Variants in CIT observed in about 807,000 individuals in gnomAD.
The protein encoded by CIT is citron Rho-interacting kinase.
In CIT, 79 loss-of-function variants were observed where a neutral mutation model predicts 272.7. That is an observed-to-expected ratio of 0.29 (90% CI 0.24 to 0.35). CIT has a LOEUF of 0.35. Ranked by LOEUF, CIT falls within the 10% of genes least tolerant of loss-of-function variation. The pLI, the probability that CIT is intolerant of heterozygous loss-of-function variation, is 1.00. For synonymous variants in CIT, 948 were observed against 995.6 expected (o/e 0.95, Z 0.90); for missense variants, 1,909 against 2,618.3 (o/e 0.73, Z 5.91).
In CIT at chr12:119,690,122, GAC is replaced by G; in HGVS notation, c.6186+27_6186+28del. On this transcript the variant is annotated intron_variant, in intron 47 of 47. Transcript: ENST00000392521. The surrounding 1 kb of genome is among the most constrained non-coding windows in gnomAD (Gnocchi z 6.0). ...CAAGTCACTCCTGGCCTCCGCAACA[GAC>G]ACACAGGCCTCGGAATGCTGCCTCA... is the stretch of plus-strand genomic sequence containing the variant. 6.9e-7 allele frequency: 1 copy of G among 1,445,462 alleles called. No individual in the cohort carries two copies. Among genetic ancestry groups the G allele is most frequent in the Non-Finnish European group, 9.0e-7 (1 of 1,107,526 alleles). 89.5% of individuals were successfully genotyped at this position (1,445,462 alleles called of 1,614,324 possible). A position where few individuals can be genotyped will look rare whatever the true frequency, so the allele number is the denominator to read the frequency against.
chr12:119,791,894 G>A (rs2137781248), intron 10 of CIT, among the ~76,000 whole-genome samples: 1 of 152,300 alleles, frequency 6.6e-6, no homozygotes, highest in Middle Eastern at 3.4e-3. Flanking sequence ...GTAACAGGAA[G>A]ACATGTTTTC....
chr12:119,733,542 A>C (rs1958590369), intron 26 of CIT, among the ~76,000 whole-genome samples: 1 of 151,052 alleles, frequency 6.6e-6, no homozygotes, highest in Admixed American at 6.6e-5. Context: ...AAAAAAAAAA[A>C]ACAAAAAAAA....
At chr12:119,765,359 T>TATATATATTATATATAATATATATTATA (rs1962298628) in intron 19 of CIT, among the ~76,000 whole-genome samples, 1 of 145,098 alleles carries the variant, frequency 6.9e-6, no homozygotes, top group African/African-American at 2.6e-5. Flanking sequence ...TCTCTAAATA[T>TATATATATTATATATAATATATATTATA]ATATATATTA....
chr12:119,730,450 G>A (rs901556350), intron 27 of CIT, 45 bp downstream of exon 27: 1 of 1,540,288 alleles, frequency 6.5e-7, no homozygotes, highest in African/African-American at 1.4e-5. Flanking sequence ...TTAAAAGAAG[G>A]AAACGAAAAT....
intron 41 of CIT, 65 bp downstream of exon 41, chr12:119,704,298 A>C: frequency 6.8e-7 from 1 of 1,481,030 alleles, no homozygotes. Context: ...CACTTTCCAC[A>C]CTGGCTCGCT....
intron 8 of CIT, among the ~76,000 whole-genome samples, chr12:119,823,329 C>T (rs193036231): frequency 7.9e-5 from 12 of 152,312 alleles, no homozygotes; most frequent in African/African-American, 2.9e-4. Context: ...CCTTGGCTAC[C>T]TTTTCTATCC....
chr12:119,719,020 G>A, intron 30 of CIT, 159 bp from the exon 31 acceptor site: 2 of 702,676 alleles, frequency 2.8e-6, no homozygotes, highest in Non-Finnish European at 4.7e-6. Context: ...GGAAGGGTAG[G>A]CTGAGCCACA....
chr12:119,785,201 G>A (rs554775679), intron 10 of CIT, 136 bp from the exon 11 acceptor site: 55 of 912,450 alleles, frequency 6.0e-5, no homozygotes, highest in African/African-American at 4.2e-4. Context: ...CCCCCTTCCC[G>A]TTTCCCAAAG....
Position 119,712,550 on chromosome 12 carries a change from C to A in CIT, c.4684+41G>T. 1 of 1,583,670 alleles carries A rather than the reference C, an allele frequency of 6.3e-7. No homozygotes were observed. Among genetic ancestry groups the A allele is most frequent in the South Asian group, 1.1e-5 (1 of 90,186 alleles). ...TCTGTCCCTGCTGATTGGCCAAGCC[C>A]GGCCCACCTCCAGGGCGGGGCTCCT... On this transcript the variant is annotated intron_variant, in intron 36 of 47. Coordinates refer to ENST00000392521, the MANE Select transcript of CIT (RefSeq NM_001206999.2). The surrounding 1 kb of genome is among the most constrained non-coding windows in gnomAD (Gnocchi z 5.2).
In CIT at chr12:119,728,445, C is replaced by T; in HGVS notation, c.3591+57G>A. ...CTAAAGCTGCTCCAAAAAAAAGAAG[C>T]CTATTAAAAGAAAAAAAAAATCCAC... On this transcript the variant is annotated intron_variant, in intron 28 of 47. Transcript: ENST00000392521. This position sits in a 1 kb window ranked among gnomAD's most constrained non-coding sequence, Gnocchi z 4.3. 9.1e-7 allele frequency: 1 copy of T among 1,097,804 alleles called. No homozygotes were observed. Among genetic ancestry groups the T allele is most frequent in the Non-Finnish European group, 1.4e-6 (1 of 738,690 alleles). 68.0% of individuals were successfully genotyped at this position (1,097,804 alleles called of 1,614,324 possible).
rs1292105088 is a variant in CIT, at chr12:119,713,713, G to T, written c.4307-65C>A. 1.3e-6 allele frequency: 2 copies of T among 1,541,528 alleles called. No homozygotes were observed. Among genetic ancestry groups the T allele is most frequent in the Admixed American group, 1.7e-5 (1 of 59,770 alleles). Reference sequence around the variant, plus strand: ...TGACCCTGGACCCTTCCCTTCCTCTGCCAGCCAACGCCTGGGCTTCTCTAC... The same window carrying T: ...TGACCCTGGACCCTTCCCTTCCTCTTCCAGCCAACGCCTGGGCTTCTCTAC... On this transcript the variant is annotated intron_variant, in intron 33 of 47. Coordinates refer to ENST00000392521, the MANE Select transcript of CIT (RefSeq NM_001206999.2). This position sits in a 1 kb window ranked among gnomAD's most constrained non-coding sequence, Gnocchi z 5.2.
At chr12:119,723,556 A>G (rs1204394568) in intron 28 of CIT, among the ~76,000 whole-genome samples, 2 of 152,300 alleles carry the variant, frequency 1.3e-5, no homozygotes, top group South Asian at 2.1e-4. Context: ...GACCTGTCCA[A>G]CAATTTCACG....
At chr12:119,723,392 T>C (rs915917730) in intron 28 of CIT, among the ~76,000 whole-genome samples, 6 of 98,872 alleles carry the variant, frequency 6.1e-5, no homozygotes, top group African/African-American at 2.5e-4. Flanking sequence ...TTATTCCCTA[T>C]ACATTAAAAA....
In CIT at chr12:119,742,359, CTCT is replaced by C. The variant is rs1959099629; in HGVS notation, c.2958+49_2958+51del. On this transcript the variant is annotated intron_variant, in intron 24 of 47. Transcript: ENST00000392521. The stretch of plus-strand genomic sequence containing the variant: ...TTTAAAGAGACGTCCCCTTTTCCTC[CTCT>C]GTTTTAGTTTCATGTTATTTTAATC... 3.7e-6 allele frequency: 5 copies of C among 1,336,290 alleles called. No individual in the cohort carries two copies. The South Asian group carries it at 6.9e-5, about 19-fold the overall frequency. The allele number at this position is 1,336,290 out of a possible 1,614,324, so 82.8% of individuals were successfully genotyped here. A position where few individuals can be genotyped will look rare whatever the true frequency, so the allele number is the denominator to read the frequency against.
chr12:119,785,103 G>C (rs1407425721), intron 10 of CIT, 38 bp from the exon 11 acceptor site: 1 of 1,607,498 alleles, frequency 6.2e-7, no homozygotes, highest in South Asian at 1.1e-5. Context: ...GGGCCTGCAG[G>C]TGGGCCTAAG....
At chr12:119,759,990 T>G (rs926606648) in intron 20 of CIT, among the ~76,000 whole-genome samples, 9 of 151,604 alleles carry the variant, frequency 5.9e-5, no homozygotes, top group African/African-American at 2.2e-4. Context: ...AGTTTGAGAC[T>G]GGCCTGGCCA....
Position 119,770,070 on chromosome 12 carries a change from G to A in CIT, c.2208+715C>T, listed in dbSNP as rs1232671187. ...CAAACATGATGTCAAATTTCTGGCT[G>A]TGGGACTGAGGTCCAAGGAGAGCCC... is the stretch of plus-strand genomic sequence containing the variant. On this transcript the variant is annotated intron_variant, in intron 18 of 47. Transcript: ENST00000392521. The surrounding 1 kb of genome is among the most constrained non-coding windows in gnomAD (Gnocchi z 4.4). Among the ~76,000 whole-genome samples the A allele has an allele frequency of 6.6e-6, 1 of 152,170 alleles. No homozygotes were observed. The highest frequency in any genetic ancestry group is 2.4e-5 in the African/African-American group (1 of 41,442).
intron 5 of CIT, among the ~76,000 whole-genome samples, chr12:119,846,539 G>A (rs1425783231): frequency 1.3e-5 from 2 of 152,140 alleles, no homozygotes; most frequent in African/African-American, 4.8e-5. Flanking sequence ...CTTAGATTCT[G>A]TGTGGCCTTG....
rs112783625 is a variant in CIT at position 119,734,124 on chromosome 12, G to T, written c.3350+40C>A. 2.0e-3 allele frequency: 3,187 copies of T among 1,598,892 alleles called. 75 individuals carry two copies. The South Asian group carries it at 0.032, about 16-fold the overall frequency. On this transcript the variant is annotated intron_variant, in intron 26 of 47. Transcript: ENST00000392521. ...ACAACTCTCAGGCCGATCCTCCTGC[G>T]GTCACCTGTCATGAGCTTTCCACAA...
Sources: gnomAD v4.1 joint callset for allele counts (sites outside exome capture counted in the v4.1 genomes callset) on GRCh38, gnomAD v4.1.1 for gene constraint, Gnocchi (gnomAD v3.1) non-coding constraint, MANE v1.5 for transcripts, NCBI Gene and HGNC (gene_info 2026-07-23, HGNC 2026-07-21) for gene names.